The following PHF10 variants were observed in gnomAD, a reference collection of about 807,000 sequenced individuals.
PHF10 encodes BRG1-associated factor 45a.
In PHF10, 51 loss-of-function variants were observed where a neutral mutation model predicts 68.5. The ratio of observed to expected loss-of-function variants is 0.74; its 90% CI spans 0.59 to 0.94. The LOEUF is 0.94. PHF10 is among the 40% of genes least tolerant of loss of function. The pLI, the probability that PHF10 is intolerant of heterozygous loss-of-function variation, is 0.00. For synonymous variants in PHF10, 204 were observed against 203.5 expected (o/e 1.00, Z -0.02); for missense variants, 460 against 602.6 (o/e 0.76, Z 2.48).
In PHF10 at chr6:169,721,011, T is replaced by C. The variant is rs1318825052; in HGVS notation, c.188A>G (p.Asp63Gly). 1 of 1,524,988 alleles carries C rather than the reference T, an allele frequency of 6.6e-7. No homozygotes were observed. The highest frequency in any genetic ancestry group is 2.5e-5 in the East Asian group (1 of 40,796). The allele number at this position is 1,524,988 out of a possible 1,614,324, so 94.5% of individuals were successfully genotyped here. A position where few individuals can be genotyped will look rare whatever the true frequency, so the allele number is the denominator to read the frequency against. Residue 63 changes from aspartate to glycine, a missense_variant, in exon 2 of 12, where the codon GAT (aspartate) becomes GGT (glycine). Physicochemically the swap from Asp to Gly is moderately conservative, Grantham distance 94. Transcript: ENST00000339209. ...SSRSCETSSQ[D>G]LGFSYYPAEN... ...ACCGATAAAATGACAGTACCCAAGA[T>C]CTTGACTTGAAGTTTCACAACTCCT...
At chr6:169,717,689 G>A (rs896401904) in intron 4 of PHF10, 134 bp downstream of exon 4, 18 of 565,792 alleles carry the variant, frequency 3.2e-5, no homozygotes, top group African/African-American at 2.0e-5. Flanking sequence ...CAAAAATGAA[G>A]TAAATAATGT....
chr6:169,717,811 AG>A lies in PHF10; in HGVS notation c.409+11del. On this transcript the variant is annotated intron_variant, in intron 4 of 11. Coordinates refer to ENST00000339209, the MANE Select transcript of PHF10 (RefSeq NM_018288.4). ...TCAGCTTGAAAAATTCACATTAAAA[AG>A]CTATTCTTACCTAGAGTGCACTGAG... is the stretch of plus-strand genomic sequence containing the variant. 1 of 1,209,816 alleles carries A rather than the reference AG, an allele frequency of 8.3e-7. No individual in the cohort carries two copies. The highest frequency in any genetic ancestry group is 1.2e-6 in the Non-Finnish European group (1 of 824,808). 74.9% of individuals were successfully genotyped at this position (1,209,816 alleles called of 1,614,324 possible). A position where few individuals can be genotyped will look rare whatever the true frequency, so the allele number is the denominator to read the frequency against.
intron 4 of PHF10, among the ~76,000 whole-genome samples, chr6:169,716,834 T>C (rs1393046461): frequency 1.3e-5 from 2 of 152,080 alleles, no homozygotes; most frequent in Non-Finnish European, 2.9e-5. Context: ...TCCTCCTCCC[T>C]CAGCCTCCCA....
intron 8 of PHF10, among the ~76,000 whole-genome samples, chr6:169,710,935 A>G (rs556814986): frequency 5.8e-4 from 88 of 152,292 alleles, no homozygotes; most frequent in Admixed American, 9.8e-4. Context: ...AGGATCTGAA[A>G]TATTTTATAT....
Position 169,717,056 on chromosome 6 carries a change from A to G in PHF10, c.409+767T>C, listed in dbSNP as rs145129203. Among the ~76,000 whole-genome samples the G allele has an allele frequency of 2.8e-4, 42 of 152,330 alleles. 2 individuals are homozygous for G. In the East Asian group the frequency reaches 7.1e-3, roughly 26 times the overall value. ...ATCACAAGGTCAGAAGTTGGAGACCAGCCTGGCCAACATGGTAAAACCCCG... is the reference window on the plus strand; with the variant it reads ...ATCACAAGGTCAGAAGTTGGAGACCGGCCTGGCCAACATGGTAAAACCCCG... On this transcript the variant is annotated intron_variant, in intron 4 of 11. Transcript: ENST00000339209.
Position 169,714,829 on chromosome 6 carries a change from G to A in PHF10, c.707C>T (p.Pro236Leu). 2 of 1,550,380 alleles carry A rather than the reference G, an allele frequency of 1.3e-6. No individual in the cohort carries two copies. The highest frequency in any genetic ancestry group is 1.7e-4 in the Middle Eastern group (1 of 5,916). Residue 236 changes from proline to leucine, a missense_variant, in exon 7 of 12, where the codon CCT (proline) becomes CTT (leucine). Pro to Leu is a moderately conservative substitution (Grantham distance 98, BLOSUM62 -3). Around this residue, in one of 3 missense-constraint regions of PHF10, gnomAD observed 256 missense variants for 410.5 expected, o/e 0.62. Transcript: ENST00000339209. ...FDLQTHVIQV[P>L]QGKYKVLPTE... ...TGGCAAAACTTTGTACTTCCCTTGA[G>A]GTACCTGGATAACCTACGTTAACAT... is the stretch of plus-strand genomic sequence containing the variant.
intron 9 of PHF10, 76 bp downstream of exon 9, chr6:169,710,160 C>T (rs528670519): frequency 1.7e-4 from 185 of 1,117,300 alleles, no homozygotes; most frequent in Non-Finnish European, 2.3e-4. Context: ...GCTCCACAAT[C>T]GTGAAAGTCA....
At chr6:169,717,936 A>G in intron 3 of PHF10, 30 bp from the exon 4 acceptor site, 1 of 1,095,336 alleles carries the variant, frequency 9.1e-7, no homozygotes, top group Non-Finnish European at 1.4e-6. Flanking sequence ...AGACTATTAA[A>G]AACAGCAAAA....
rs1789253606 is a variant in PHF10, at chr6:169,723,936, C to T, written c.-5G>A. On this transcript the variant is annotated 5_prime_UTR_variant, in exon 1 of 12. Coordinates refer to ENST00000339209, the MANE Select transcript of PHF10 (RefSeq NM_018288.4). ...GGGCCCGGCCGCCGCCGCCATCAGC[C>T]CGAGCGCCCCGCGCCGCCGCCGCCG... is the stretch of plus-strand genomic sequence containing the variant. 3 of 949,026 alleles carry T rather than the reference C, an allele frequency of 3.2e-6. No individual in the cohort carries two copies. The highest frequency in any genetic ancestry group is 3.8e-6 in the Non-Finnish European group (3 of 792,670). The allele number at this position is 949,026 out of a possible 1,614,324, so 58.8% of individuals were successfully genotyped here.
Position 169,715,729 on chromosome 6 carries a change from A to G in PHF10, c.672T>C (p.Ala224=), listed in dbSNP as rs1244548914. 1 of 1,612,090 alleles carries G rather than the reference A, an allele frequency of 6.2e-7. No homozygotes were observed. The highest frequency in any genetic ancestry group is 8.5e-7 in the Non-Finnish European group (1 of 1,179,944). Reference sequence around the variant, plus strand: ...CTACATGTGTCTGCAAGTCAAAATAAGCTCTTCTTTCTTCCATGCGTTCCC... The same window carrying G: ...CTACATGTGTCTGCAAGTCAAAATAGGCTCTTCTTTCTTCCATGCGTTCCC... ...LNRERMEERR[A]YFDLQTHVIQ... The change falls in exon 6 of 12, where the codon GCT becomes GCC. Residue 224 remains alanine (A), a synonymous_variant. Transcript: ENST00000339209.
intron 9 of PHF10, 163 bp downstream of exon 9, chr6:169,710,072 AG>A (rs1788891759): frequency 2.0e-6 from 1 of 503,092 alleles, no homozygotes; most frequent in African/African-American, 2.0e-5. Context: ...AAAGCCACCA[AG>A]GAAATAAAGC....
At chr6:169,715,578 A>C (rs1789026785) in intron 6 of PHF10, 130 bp downstream of exon 6, 1 of 845,048 alleles carries the variant, frequency 1.2e-6, no homozygotes, top group African/African-American at 1.7e-5. Flanking sequence ...ACAAAACAAA[A>C]CAAACAAACA....
At chr6:169,709,405 C>CAA in intron 9 of PHF10, 1 of 152,162 alleles carries the variant, frequency 6.6e-6, no homozygotes, top group Non-Finnish European at 1.5e-5. Flanking sequence ...AAAAGGTAGT[C>CAA]TATTTTACTA....
intron 7 of PHF10, among the ~76,000 whole-genome samples, chr6:169,713,707 T>C (rs902953819): frequency 6.6e-6 from 1 of 152,218 alleles, no homozygotes; most frequent in African/African-American, 2.4e-5. Flanking sequence ...TGCCCAAGAT[T>C]TGACTTTCAA....
At chr6:169,713,849 C>T (rs879602161) in intron 7 of PHF10, among the ~76,000 whole-genome samples, 2 of 151,886 alleles carry the variant, frequency 1.3e-5, no homozygotes, top group African/African-American at 2.4e-5. Flanking sequence ...ATGGGCTGGG[C>T]ACAGTGGCTC....
intron 10 of PHF10, 136 bp from the exon 11 acceptor site, chr6:169,705,457 T>C (rs80250989): frequency 0.072 from 52,451 of 726,672 alleles, 2,131 homozygotes; most frequent in East Asian, 0.1. Context: ...GAATATACAA[T>C]GTAGAGGAAA....
intron 9 of PHF10, among the ~76,000 whole-genome samples, chr6:169,706,730 ACACAC>A (rs1788805729): frequency 1.6e-4 from 1 of 6,162 alleles, no homozygotes; most frequent in East Asian, 0.036. Context: ...ACATACATAC[ACACAC>A]ACACACACAC....
Position 169,717,837 on chromosome 6 carries a change from GT to G in PHF10, c.394del (p.Thr132LeufsTer5). 1 of 1,515,480 alleles carries G rather than the reference GT, an allele frequency of 6.6e-7. No homozygotes were observed. Among genetic ancestry groups the G allele is most frequent in the Admixed American group, 1.7e-5 (1 of 58,950 alleles). The allele number at this position is 1,515,480 out of a possible 1,614,324, so 93.9% of individuals were successfully genotyped here. ...YLRELNVITE[T>X]QCTLGLTALR... ...GCTATTCTTACCTAGAGTGCACTGAGTTTCAGTAATGACATTTAGCTCTCTC... is the reference window on the plus strand; with the variant it reads ...GCTATTCTTACCTAGAGTGCACTGAGTTCAGTAATGACATTTAGCTCTCTC... On this transcript the variant is annotated frameshift_variant, in exon 4 of 12. Coordinates refer to ENST00000339209, the MANE Select transcript of PHF10 (RefSeq NM_018288.4). LOFTEE classifies it high-confidence loss of function.
chr6:169,706,723 T>TACACACACAC (rs1202611210), intron 9 of PHF10, among the ~76,000 whole-genome samples: 2 of 72,452 alleles, frequency 2.8e-5, no homozygotes, highest in Admixed American at 1.5e-4. Context: ...CATACATACA[T>TACACACACAC]ACATACACAC....
Sources: gnomAD v4.1 joint callset for allele counts (sites outside exome capture counted in the v4.1 genomes callset) on GRCh38, gnomAD v4.1.1 for gene constraint, gnomAD v4.1.1 regional missense constraint, MANE v1.5 for transcripts, NCBI Gene and HGNC (gene_info 2026-07-23, HGNC 2026-07-21) for gene names.